The following RIMS2 variants were observed in gnomAD, a reference collection of about 807,000 sequenced individuals.
RIMS2 encodes regulating synaptic membrane exocytosis protein 2.
RIMS2 carries 59 observed loss-of-function variants against 174.4 expected under a neutral mutation model. The observed-to-expected ratio is 0.34, with a 90% CI of 0.27 to 0.42. The LOEUF (loss-of-function observed/expected upper bound fraction) is 0.42, where lower values mean the gene tolerates loss of function less well. RIMS2 is among the 10% of genes least tolerant of loss of function. RIMS2 has a pLI of 1.00. For missense variants in RIMS2, 1,620 were observed against 1,666.3 expected, an observed-to-expected ratio of 0.97 and a Z score of 0.48; for synonymous variants, 606 against 572.5, an observed-to-expected ratio of 1.06 and a Z score of -0.84.
intron 19 of RIMS2, among the ~76,000 whole-genome samples, chr8:104,214,023 A>G (rs1197493660): frequency 1.3e-5 from 2 of 152,186 alleles, no homozygotes; most frequent in Admixed American, 6.5e-5. Flanking sequence ...ATGTCTTTTC[A>G]TAGTTTGTTG....
intron 19 of RIMS2, among the ~76,000 whole-genome samples, chr8:104,098,180 AT>A (rs2097795318): frequency 6.6e-6 from 1 of 152,102 alleles, no homozygotes; most frequent in African/African-American, 2.4e-5. Context: ...TGAATATAAT[AT>A]TTTTCCTAAG....
In RIMS2 at chr8:103,588,643, G is replaced by A. The variant is rs561761968; in HGVS notation, c.176+87581G>A. On this transcript the variant is annotated intron_variant, in intron 1 of 23. Transcript: ENST00000504942. ...AATTCATTTTTGACAAAAGTGCCAA[G>A]AATATAAACTTGGGAAAGGGCAGTC... Among the ~76,000 whole-genome samples, 14 of 151,836 alleles carry A rather than the reference G, an allele frequency of 9.2e-5. No homozygotes were observed. In the South Asian group the frequency reaches 2.7e-3, roughly 29 times the overall value.
chr8:104,191,937 C>T (rs1170565018), intron 19 of RIMS2, among the ~76,000 whole-genome samples: 1 of 151,944 alleles, frequency 6.6e-6, no homozygotes, highest in Admixed American at 6.6e-5. Context: ...TATCTTATGC[C>T]CTGGAATAGA....
intron 4 of RIMS2, among the ~76,000 whole-genome samples, chr8:103,892,979 A>T (rs1266387200): frequency 6.6e-6 from 1 of 151,934 alleles, no homozygotes; most frequent in Non-Finnish European, 1.5e-5. Context: ...ATTATTATTA[A>T]TTGATGAGAG....
chr8:103,905,948 G>A (rs2074317226), intron 4 of RIMS2, among the ~76,000 whole-genome samples: 1 of 151,182 alleles, frequency 6.6e-6, no homozygotes, highest in South Asian at 2.1e-4. Flanking sequence ...TTTCCATTTG[G>A]TTCTTTATGT....
chr8:103,550,079 T>C (rs1847023912), intron 1 of RIMS2, among the ~76,000 whole-genome samples: 1 of 152,118 alleles, frequency 6.6e-6, no homozygotes, highest in Non-Finnish European at 1.5e-5. Flanking sequence ...TATCCAGGAA[T>C]TGAACTCAGC....
chr8:103,516,969 G>T (rs1829312487), intron 1 of RIMS2, among the ~76,000 whole-genome samples: 1 of 152,070 alleles, frequency 6.6e-6, no homozygotes, highest in Non-Finnish European at 1.5e-5. Flanking sequence ...GATAATGATT[G>T]TTTTTGATTT....
chr8:104,247,392 G>A (rs913366014), intron 20 of RIMS2, among the ~76,000 whole-genome samples: 1 of 152,122 alleles, frequency 6.6e-6, no homozygotes, highest in African/African-American at 2.4e-5. Flanking sequence ...TTTTCTCTGT[G>A]CTTATCTACT....
At chr8:103,792,666 A>G (rs1278097960) in intron 3 of RIMS2, among the ~76,000 whole-genome samples, 1 of 151,118 alleles carries the variant, frequency 6.6e-6, no homozygotes. Context: ...AAAGATCAAC[A>G]AAATTGATAG....
chr8:103,575,202 C>T (rs1366151336), intron 1 of RIMS2, among the ~76,000 whole-genome samples: 1 of 152,138 alleles, frequency 6.6e-6, no homozygotes, highest in African/African-American at 2.4e-5. Context: ...TGCTCAACTT[C>T]ATTAGTCGCA....
chr8:103,843,207 A>G (rs935080916), intron 3 of RIMS2, among the ~76,000 whole-genome samples: 2 of 152,214 alleles, frequency 1.3e-5, no homozygotes, highest in Non-Finnish European at 2.9e-5. Context: ...TATTTTCATG[A>G]GAATTTAGAG....
chr8:104,119,481 A>G (rs1035446608), intron 19 of RIMS2, among the ~76,000 whole-genome samples: 3 of 152,218 alleles, frequency 2.0e-5, no homozygotes, highest in Non-Finnish European at 2.9e-5. Flanking sequence ...CACTTTGCCC[A>G]TAAGATTGAA....
intron 1 of RIMS2, among the ~76,000 whole-genome samples, chr8:103,651,730 C>G (rs979210729): frequency 6.6e-6 from 1 of 152,002 alleles, no homozygotes; most frequent in African/African-American, 2.4e-5. Context: ...CCTCCCATTC[C>G]TTTCTCTGCT....
At chr8:103,609,209 T>G (rs1387264086) in intron 1 of RIMS2, among the ~76,000 whole-genome samples, 1 of 148,712 alleles carries the variant, frequency 6.7e-6, no homozygotes, top group Non-Finnish European at 1.5e-5. Context: ...AATTGTTTGT[T>G]TTTTGCTTGT....
At chr8:103,906,949 T>C (rs949870608) in intron 4 of RIMS2, among the ~76,000 whole-genome samples, 2 of 152,228 alleles carry the variant, frequency 1.3e-5, no homozygotes, top group African/African-American at 2.4e-5. Flanking sequence ...TTGTAATTAT[T>C]TGTGCCATGA....
intron 1 of RIMS2, among the ~76,000 whole-genome samples, chr8:103,581,309 A>T (rs2093607420): frequency 6.6e-6 from 1 of 152,214 alleles, no homozygotes; most frequent in Admixed American, 6.5e-5. Context: ...GTCCCAGGGA[A>T]TCAAGCATGG....
intron 19 of RIMS2, among the ~76,000 whole-genome samples, chr8:104,134,232 A>C (rs1026814195): frequency 2.0e-5 from 3 of 152,192 alleles, no homozygotes; most frequent in Non-Finnish European, 4.4e-5. Flanking sequence ...TGAGAGGCCA[A>C]GGCAGGTGGA....
chr8:103,903,768 C>G (rs1022312891), intron 4 of RIMS2, among the ~76,000 whole-genome samples: 6 of 152,108 alleles, frequency 3.9e-5, no homozygotes. Context: ...AAGTGATACT[C>G]TAGCCTTTTC....
chr8:103,729,478 TG>T, intron 2 of RIMS2, among the ~76,000 whole-genome samples: 1 of 152,204 alleles, frequency 6.6e-6, no homozygotes. Flanking sequence ...TTTCTTAGTC[TG>T]GCTAAAGGTT....
Sources: allele counts gnomAD v4.1 joint callset (sites outside exome capture counted in the v4.1 genomes callset), GRCh38; gene constraint gnomAD v4.1.1; transcripts MANE v1.5; gene names NCBI Gene and HGNC (gene_info 2026-07-23, HGNC 2026-07-21).